ZFP1: variants seen among roughly 807,000 people sequenced by gnomAD.
The protein encoded by ZFP1 is zinc finger protein 1 homolog.
ZFP1 carries 32 observed loss-of-function variants against 38.5 expected under a neutral mutation model. The observed-to-expected ratio is 0.83, with a 90% confidence interval of 0.63 to 1.12. The LOEUF is 1.12. Among genes scored for constraint, ZFP1 ranks in the 50% most tolerant of loss-of-function variants. The pLI is 0.00. For missense variants in ZFP1, 616 were observed against 480.8 expected (o/e 1.28, Z -2.63); for synonymous variants, 245 against 168.8 (o/e 1.45, Z -3.50).
chr16:75,131,870 T>C, the ZFP1 span, among the ~76,000 whole-genome samples: 1 of 151,254 alleles, frequency 6.6e-6, no homozygotes, highest in Admixed American at 6.6e-5. Flanking sequence ...GAGGCTGAGG[T>C]GGGAGGATCG....
At chr16:75,153,034 A>G in intron 2 of ZFP1, 68 bp downstream of exon 2, 3 of 1,583,818 alleles carry the variant, frequency 1.9e-6, no homozygotes, top group Non-Finnish European at 2.6e-6. Flanking sequence ...GGATCCAGAA[A>G]ATGAAATAGA....
At chr16:75,146,895 G>A (rs1310467556), upstream of ZFP1, among the ~76,000 whole-genome samples, 11 of 132,682 alleles carry the variant, frequency 8.3e-5, no homozygotes, top group Admixed American at 8.8e-4. Flanking sequence ...AGCCATGATC[G>A]CACCACTGCA....
the ZFP1 span, among the ~76,000 whole-genome samples, chr16:75,124,814 G>A: frequency 7.2e-6 from 1 of 139,756 alleles, no homozygotes; most frequent in African/African-American, 2.6e-5. Context: ...CAAGGTAAAA[G>A]GAACCAGGGA....
chr16:75,133,198 A>T, the ZFP1 span, among the ~76,000 whole-genome samples: 1 of 152,116 alleles, frequency 6.6e-6, no homozygotes, highest in African/African-American at 2.4e-5. Context: ...GCTGGTCTCG[A>T]ACTCCTGACC....
At chr16:75,160,727 G>T (rs1477258236) in intron 2 of ZFP1, among the ~76,000 whole-genome samples, 1 of 151,894 alleles carries the variant, frequency 6.6e-6, no homozygotes. Flanking sequence ...CAAGATCAAG[G>T]TGCTGGTGAA....
At chr16:75,166,954 T>G in intron 3 of ZFP1, 58 bp downstream of exon 3, 1 of 1,564,266 alleles carries the variant, frequency 6.4e-7, no homozygotes, top group South Asian at 1.2e-5. Flanking sequence ...ATGTCCTGTC[T>G]CAGTGACCAG....
Position 75,149,420 on chromosome 16 carries a change from A to G in ZFP1, c.-44+777A>G, listed in dbSNP as rs145326556. 5.3e-3 allele frequency among the ~76,000 whole-genome samples: 806 copies of G among 152,314 alleles called. 5 individuals carry two copies. Among genetic ancestry groups the G allele is most frequent in the African/African-American group, 0.018 (765 of 41,578 alleles). On this transcript the variant is annotated intron_variant, in intron 1 of 3. Coordinates refer to ENST00000570010, the MANE Select transcript of ZFP1 (RefSeq NM_153688.4). ...AAATTCTTCACTACTTTGAAATACG[A>G]AAGTTTTCCCATGATTCTGGTGCAG... is the stretch of plus-strand genomic sequence containing the variant.
chr16:75,123,380 A>G, the ZFP1 span, among the ~76,000 whole-genome samples: 3,778 of 145,978 alleles, frequency 0.026, 206 homozygotes, highest in African/African-American at 0.092. Context: ...ATATATATAT[A>G]TGTGTATATA....
the ZFP1 span, among the ~76,000 whole-genome samples, chr16:75,136,501 T>A: frequency 2.0e-5 from 3 of 152,188 alleles, no homozygotes; most frequent in Non-Finnish European, 4.4e-5. Context: ...CATATGATAA[T>A]GAATTACAAT....
At chr16:75,138,433 C>G in the ZFP1 span, among the ~76,000 whole-genome samples, 2 of 152,148 alleles carry the variant, frequency 1.3e-5, no homozygotes, top group African/African-American at 4.8e-5. Flanking sequence ...ATAGTGGAGA[C>G]ACACCTTCAG....
intron 2 of ZFP1, among the ~76,000 whole-genome samples, chr16:75,161,938 C>T (rs1404182884): frequency 6.7e-6 from 1 of 148,414 alleles, no homozygotes; most frequent in Non-Finnish European, 1.5e-5. Context: ...GCGCCCGCTA[C>T]TGTGCCCGGC....
At chr16:75,130,106 C>G in the ZFP1 span, among the ~76,000 whole-genome samples, 1 of 152,114 alleles carries the variant, frequency 6.6e-6, no homozygotes, top group African/African-American at 2.4e-5. Flanking sequence ...AAGTAATTCT[C>G]CTGCCTCAGC....
chr16:75,162,668 T>A (rs1261192023), intron 2 of ZFP1, among the ~76,000 whole-genome samples: 1 of 152,156 alleles, frequency 6.6e-6, no homozygotes, highest in Non-Finnish European at 1.5e-5. Context: ...TGCCCCTCCC[T>A]TCCCTACCAG....
chr16:75,132,166 T>C, the ZFP1 span, among the ~76,000 whole-genome samples: 1 of 152,014 alleles, frequency 6.6e-6, no homozygotes, highest in Non-Finnish European at 1.5e-5. Flanking sequence ...GGCGGGGAGA[T>C]CACTTGAGGT....
chr16:75,153,873 A>T (rs72802307), intron 2 of ZFP1, among the ~76,000 whole-genome samples: 5,490 of 152,230 alleles, frequency 0.036, 153 homozygotes, highest in Middle Eastern at 0.13. Context: ...CTAAGTCCCT[A>T]ACACCCACTG....
chr16:75,169,528 GCACTT>G lies in ZFP1; in HGVS notation c.420_424del (p.Leu142ProfsTer14). 3 of 1,613,058 alleles carry G rather than the reference GCACTT, an allele frequency of 1.9e-6. No individual in the cohort carries two copies. Among genetic ancestry groups the G allele is most frequent in the Non-Finnish European group, 2.5e-6 (3 of 1,179,844 alleles). On this transcript the variant is annotated frameshift_variant, in exon 4 of 4. Transcript: ENST00000570010. LOFTEE classifies it high-confidence loss of function. ...TGATGAGTGTAATGAATTTGGAAAA[GCACTT>G]CTCTACCTGAAGCAAGAGAAAACCC...
At chr16:75,145,372 A>G (rs1439151446), upstream of ZFP1, among the ~76,000 whole-genome samples, 1 of 152,212 alleles carries the variant, frequency 6.6e-6, no homozygotes, top group African/African-American at 2.4e-5. Flanking sequence ...AGTCTCTTAC[A>G]AAACTAATGA....
At chr16:75,161,769 TATA>T (rs1367149411) in intron 2 of ZFP1, among the ~76,000 whole-genome samples, 3 of 26,946 alleles carry the variant, frequency 1.1e-4, no homozygotes, top group African/African-American at 5.2e-4. Flanking sequence ...TATATATATA[TATA>T]TATTTTTTTT....
At chr16:75,152,816 G>C in intron 1 of ZFP1, 93 bp from the exon 2 acceptor site, 1 of 1,175,236 alleles carries the variant, frequency 8.5e-7, no homozygotes, top group Non-Finnish European at 1.2e-6. Context: ...ATTTTCCCAG[G>C]TGGTCTCTAG....
Sources: allele counts gnomAD v4.1 joint callset (sites outside exome capture counted in the v4.1 genomes callset), GRCh38; gene constraint gnomAD v4.1.1; transcripts MANE v1.5; gene names NCBI Gene and HGNC (gene_info 2026-07-23, HGNC 2026-07-21).